ALG12: variants seen among roughly 807,000 people sequenced by gnomAD.
ALG12 encodes ALG12 alpha-1,6-mannosyltransferase.
Under a neutral mutation model 46.0 loss-of-function variants are expected in ALG12, and 36 were observed. The ratio of observed to expected loss-of-function variants is 0.78; its 90% CI spans 0.60 to 1.03. The LOEUF (loss-of-function observed/expected upper bound fraction) is 1.03, where lower values mean the gene tolerates loss of function less well. Ranked by LOEUF, ALG12 falls within the 50% of genes least tolerant of loss-of-function variation. The pLI, the probability that ALG12 is intolerant of heterozygous loss-of-function variation, is 0.00. For missense variants in ALG12, 599 were observed against 633.5 expected (o/e 0.95, Z 0.58); for synonymous variants, 326 against 291.6 (o/e 1.12, Z -1.20).
chr22:49,910,429 C>T lies in ALG12; in HGVS notation c.469+5G>A, dbSNP rs375025860. The T allele has an allele frequency of 1.2e-4, 193 of 1,613,226 alleles. No individual in the cohort carries two copies. The African/African-American group carries it at 1.9e-3, about 16-fold the overall frequency. On this transcript the variant is annotated splice_donor_5th_base_variant and intron_variant, in intron 4 of 9. Transcript: ENST00000330817. ...GGTGTGCAGGCCCGGCCGGCAGCTA[C>T]GTACCTACAGGCAGGGCCAGCACAT... is the stretch of plus-strand genomic sequence containing the variant.
chr22:49,907,824 C>A lies in ALG12; in HGVS notation c.889G>T (p.Gly297Cys), dbSNP rs199937362. The change falls in exon 7 of 10, where the codon GGC becomes TGC. Residue 297 changes from glycine to cysteine, a missense_variant. Gly to Cys is a radical substitution (Grantham distance 159). Coordinates refer to ENST00000330817, the MANE Select transcript of ALG12 (RefSeq NM_024105.4). ...AGGAGGGAGTAGAGTGCCATGAAGC[C>A]CAGTGCCAGCACCGTCGGCGCGTGC... is the stretch of plus-strand genomic sequence containing the variant. ...RTHAPTVLAL[G>C]FMALYSLLPH... 1 of 1,613,932 alleles carries A rather than the reference C, an allele frequency of 6.2e-7. No homozygotes were observed. Among genetic ancestry groups the A allele is most frequent in the South Asian group, 1.1e-5 (1 of 91,086 alleles).
rs2060632684 is a variant in ALG12, at chr22:49,918,345, G to C, written c.-161C>G. 1.3e-5 allele frequency: 2 copies of C among 153,668 alleles called. No individual in the cohort carries two copies. The highest frequency in any genetic ancestry group is 2.4e-5 in the African/African-American group (1 of 41,506). The allele number at this position is 153,668 out of a possible 1,614,324, so 9.5% of individuals were successfully genotyped here. On this transcript the variant is annotated 5_prime_UTR_variant, in exon 1 of 10. Transcript: ENST00000330817. ...GAAGCAGGACGGCGGAAACAGAACA[G>C]AGCCCGAATCTAAAGTCCTTGCCCA...
Position 49,904,086 on chromosome 22 carries a change from G to C in ALG12, c.1239-20C>G. On this transcript the variant is annotated intron_variant, in intron 9 of 9. Transcript: ENST00000330817. ...TCGTACCTGTGGGATGAGAGCTGGT[G>C]GTCCTGCCCAGGGCCCCCACATCGC... 6.2e-7 allele frequency: 1 copy of C among 1,614,040 alleles called. No individual in the cohort carries two copies. The highest frequency in any genetic ancestry group is 8.5e-7 in the Non-Finnish European group (1 of 1,179,960).
intron 1 of ALG12, among the ~76,000 whole-genome samples, chr22:49,916,806 C>T (rs537619655): frequency 1.3e-5 from 2 of 152,304 alleles, no homozygotes; most frequent in South Asian, 4.1e-4. Context: ...AAAAATAAAA[C>T]GGAACGGGGA....
the ALG12 span, chr22:49,883,674 C>T: frequency 1.5e-5 from 23 of 1,581,476 alleles, no homozygotes; most frequent in Middle Eastern, 1.2e-3. Flanking sequence ...TGGAGAATAA[C>T]TTGAAAACTT....
chr22:49,918,379 G>A lies in ALG12; in HGVS notation c.-195C>T, dbSNP rs1041045858. 2 of 160,794 alleles carry A rather than the reference G, an allele frequency of 1.2e-5. No individual in the cohort carries two copies. The highest frequency in any genetic ancestry group is 4.8e-5 in the African/African-American group (2 of 41,842). 10.0% of individuals were successfully genotyped at this position (160,794 alleles called of 1,614,324 possible). A position where few individuals can be genotyped will look rare whatever the true frequency, so the allele number is the denominator to read the frequency against. ...TCTAAAGTCCTTGCCCAAATCTAAA[G>A]TGGCTACCGCAGCCCCGGCCGCTAC... On this transcript the variant is annotated 5_prime_UTR_variant, in exon 1 of 10. Coordinates refer to ENST00000330817, the MANE Select transcript of ALG12 (RefSeq NM_024105.4).
the ALG12 span, chr22:49,883,849 G>T: frequency 6.2e-7 from 1 of 1,609,362 alleles, no homozygotes; most frequent in Non-Finnish European, 8.5e-7. Flanking sequence ...GGGCCTCGGT[G>T]GGACGGGTTG....
At chr22:49,899,658 T>C (rs1367406983), downstream of ALG12, among the ~76,000 whole-genome samples, 2 of 151,894 alleles carry the variant, frequency 1.3e-5, no homozygotes, top group Middle Eastern at 3.2e-3. Context: ...CACCTAGGAA[T>C]TCACCCTGAA....
rs888790753 is a variant in ALG12 at position 49,908,544 on chromosome 22, A to C, written c.769-600T>G. On this transcript the variant is annotated intron_variant, in intron 6 of 9. Transcript: ENST00000330817. Reference sequence around the variant, plus strand: ...TCTGTCTCAAAAAAAAAAAAAAAAAAAACCAAAAAACAAAAAACAGACGGT... The same window carrying C: ...TCTGTCTCAAAAAAAAAAAAAAAAACAACCAAAAAACAAAAAACAGACGGT... Among the ~76,000 whole-genome samples the C allele has an allele frequency of 4.1e-5, 6 of 144,980 alleles. 1 individual carries two copies. Among genetic ancestry groups the C allele is most frequent in the African/African-American group, 8.1e-5 (3 of 37,142 alleles).
At chr22:49,889,051 G>A in the ALG12 span, 1 of 167,200 alleles carries the variant, frequency 6.0e-6, no homozygotes, top group Non-Finnish European at 1.5e-5. Context: ...TCCAAAACAA[G>A]CCAGCACAAC....
the ALG12 span, among the ~76,000 whole-genome samples, chr22:49,863,597 A>G: frequency 1.3e-5 from 2 of 151,572 alleles, no homozygotes; most frequent in African/African-American, 4.9e-5. Context: ...ACCGCACTCC[A>G]GCCTGGGGAC....
the ALG12 span, among the ~76,000 whole-genome samples, chr22:49,879,429 A>C: frequency 6.6e-6 from 1 of 151,742 alleles, no homozygotes; most frequent in African/African-American, 2.4e-5. Flanking sequence ...ACCCAGCCTA[A>C]TTTTTGTATT....
In ALG12 at chr22:49,904,950, G is replaced by A. The variant is rs1245429906; in HGVS notation, c.993-444C>T. On this transcript the variant is annotated intron_variant, in intron 7 of 9. Transcript: ENST00000330817. ...AGACAGGCTTTCACTATGTTGGCCA[G>A]GCTAGTCTTGAACTCCTGACCTCGT... 3.3e-5 allele frequency among the ~76,000 whole-genome samples: 5 copies of A among 152,132 alleles called. No homozygotes were observed. The East Asian group carries it at 9.6e-4, about 29-fold the overall frequency.
the ALG12 span, among the ~76,000 whole-genome samples, chr22:49,861,510 C>T: frequency 2.6e-5 from 4 of 151,620 alleles, no homozygotes; most frequent in South Asian, 2.1e-4. Flanking sequence ...CTTGGCTTAC[C>T]GCAGCCTCGA....
In ALG12 at chr22:49,907,920, AG is replaced by A. The variant is rs762491894; in HGVS notation, c.792del (p.Tyr265ThrfsTer20). The A allele has an allele frequency of 1.2e-6, 2 of 1,613,298 alleles. No individual in the cohort carries two copies. The highest frequency in any genetic ancestry group is 2.7e-5 in the African/African-American group (2 of 75,058). On this transcript the variant is annotated frameshift_variant, in exon 7 of 10. Transcript: ENST00000330817. LOFTEE classifies it high-confidence loss of function. The part of the protein sequence containing the change: ...NWGTSPLLWY[F>X]YSALPRGLGC... Reference sequence around the variant, plus strand: ...CCCAGGCCGCGGGGCAGGGCTGAGTAGAAGTACCACAGCAGCGGGGAGGTCT... The same window carrying A: ...CCCAGGCCGCGGGGCAGGGCTGAGTAAAGTACCACAGCAGCGGGGAGGTCT...
chr22:49,896,261 G>A (rs553963716), downstream of ALG12, among the ~76,000 whole-genome samples: 1 of 152,342 alleles, frequency 6.6e-6, no homozygotes, highest in East Asian at 1.9e-4. Flanking sequence ...GCTCAGGAAC[G>A]TCTGTGGCTA....
chr22:49,893,105 G>A, the ALG12 span, among the ~76,000 whole-genome samples: 1 of 152,206 alleles, frequency 6.6e-6, no homozygotes, highest in South Asian at 2.1e-4. Flanking sequence ...AAGGATTACT[G>A]AATTGGAAGA....
intron 6 of ALG12, 45 bp from the exon 7 acceptor site, chr22:49,907,989 C>A (rs1403704250): frequency 6.3e-7 from 1 of 1,584,596 alleles, no homozygotes; most frequent in Middle Eastern, 2.0e-4. Context: ...CACGCATGAG[C>A]CCGTGGGCTA....
the ALG12 span, among the ~76,000 whole-genome samples, chr22:49,881,762 G>T: frequency 6.6e-6 from 1 of 152,048 alleles, no homozygotes; most frequent in African/African-American, 2.4e-5. Flanking sequence ...CAAACTTGTG[G>T]TTTCAAGCGA....
Sources: gnomAD v4.1 joint callset for allele counts (sites outside exome capture counted in the v4.1 genomes callset) on GRCh38, gnomAD v4.1.1 for gene constraint, MANE v1.5 for transcripts, NCBI Gene and HGNC (gene_info 2026-07-23, HGNC 2026-07-21) for gene names.